Variants in SLC25A4 observed in about 807,000 individuals in gnomAD.
SLC25A4 encodes ADP/ATP translocase 1.
SLC25A4 carries 10 observed loss-of-function variants against 24.7 expected under a neutral mutation model. The ratio of observed to expected loss-of-function variants is 0.41; its 90% CI spans 0.25 to 0.69. The LOEUF is 0.69. SLC25A4 is among the 30% of genes least tolerant of loss of function. SLC25A4 has a pLI of 0.35. For synonymous variants in SLC25A4, 125 were observed against 153.3 expected (o/e 0.82, Z 1.36); for missense variants, 273 against 387.6 (o/e 0.70, Z 2.48).
intron 3 of SLC25A4, among the ~76,000 whole-genome samples, chr4:185,146,568 GAAT>G (rs1734446166): frequency 6.6e-6 from 1 of 152,160 alleles, no homozygotes; most frequent in Non-Finnish European, 1.5e-5. Flanking sequence ...GGCAGTCCAT[GAAT>G]TACTTGGTTA....
chr4:185,146,017 T>A, intron 3 of SLC25A4, 118 bp downstream of exon 3: 1 of 1,241,398 alleles, frequency 8.1e-7, no homozygotes, highest in Non-Finnish European at 1.1e-6. Context: ...TGATAAGGAC[T>A]TAGGGAAGAA....
intron 1 of SLC25A4, among the ~76,000 whole-genome samples, chr4:185,143,959 G>A (rs1734391910): frequency 1.3e-5 from 2 of 152,190 alleles, no homozygotes; most frequent in Non-Finnish European, 2.9e-5. Flanking sequence ...TAACCTCTGT[G>A]AGAGAGTTAT....
At position 185,145,713 on chromosome 4, in the gene SLC25A4, A is replaced by G. The variant is rs779456531; in HGVS notation, c.599-46A>G. ...CTCTCCCTCCACCTGCTTTCTGCTG[A>G]GAACAGGCACTTCATAGCCGTTCGG... On this transcript the variant is annotated intron_variant, in intron 2 of 3. Coordinates refer to ENST00000281456, the MANE Select transcript of SLC25A4 (RefSeq NM_001151.4). The surrounding 1 kb of genome is among the most constrained non-coding windows in gnomAD (Gnocchi z 5.5). 1.2e-6 allele frequency: 2 copies of G among 1,611,482 alleles called. No homozygotes were observed. Among genetic ancestry groups the G allele is most frequent in the Admixed American group, 1.7e-5 (1 of 59,974 alleles).
Position 185,146,878 on chromosome 4 carries a change from G to C in SLC25A4, c.804G>C (p.Lys268Asn), listed in dbSNP as rs748424743. The change falls in exon 4 of 4, where the codon AAG becomes AAC. Residue 268 changes from lysine to asparagine, a missense_variant. Physicochemically the swap from Lys to Asn is moderately conservative, Grantham distance 94. Transcript: ENST00000281456. ...WRKIAKDEGA[K>N]AFFKGAWSNV... ...AGATTGCAAAAGACGAAGGAGCCAA[G>C]GCCTTCTTCAAAGGTGCCTGGTCCA... The C allele has an allele frequency of 6.2e-7, 1 of 1,614,186 alleles. No homozygotes were observed. Among genetic ancestry groups the C allele is most frequent in the South Asian group, 1.1e-5 (1 of 91,084 alleles).
rs368649185 is a variant in SLC25A4 at position 185,145,811 on chromosome 4, C to T, written c.651C>T (p.Ala217=). 1.2e-6 allele frequency: 2 copies of T among 1,614,174 alleles called. No homozygotes were observed. Among genetic ancestry groups the T allele is most frequent in the South Asian group, 1.1e-5 (1 of 91,080 alleles). Residue 217 remains alanine (A), a synonymous_variant, in exon 3 of 4, where the codon GCC becomes GCT. Coordinates refer to ENST00000281456, the MANE Select transcript of SLC25A4 (RefSeq NM_001151.4). This position sits in a 1 kb window ranked among gnomAD's most constrained non-coding sequence, Gnocchi z 5.5. ...NVHIFVSWMI[A]QSVTAVAGLV... ...ACATTTTTGTGAGCTGGATGATTGC[C>T]CAGAGTGTGACGGCAGTCGCAGGGC...
In SLC25A4 at chr4:185,145,580, G is replaced by A; in HGVS notation, c.599-179G>A. On this transcript the variant is annotated intron_variant, in intron 2 of 3. Transcript: ENST00000281456. The surrounding 1 kb of genome is among the most constrained non-coding windows in gnomAD (Gnocchi z 5.5). ...GCTGAGCACTGCCCCTCCGGGGTCC[G>A]GAGAGGGCAGCAGCCACCTTTGCTG... The A allele has an allele frequency of 9.1e-6, 7 of 769,336 alleles. No homozygotes were observed. Among genetic ancestry groups the A allele is most frequent in the South Asian group, 1.8e-5 (1 of 55,068 alleles). The allele number at this position is 769,336 out of a possible 1,614,324, so 47.7% of individuals were successfully genotyped here.
intron 1 of SLC25A4, 67 bp from the exon 2 acceptor site, chr4:185,144,697 T>C: frequency 1.3e-6 from 2 of 1,536,856 alleles, no homozygotes; most frequent in Non-Finnish European, 1.8e-6. Context: ...AACCTTTTTT[T>C]TTCTCCTGTC....
Position 185,145,440 on chromosome 4 carries a change from A to C in SLC25A4, c.598+190A>C, listed in dbSNP as rs1734425328. 1.0e-5 allele frequency: 9 copies of C among 857,738 alleles called. No homozygotes were observed. The highest frequency in any genetic ancestry group is 1.6e-5 in the Non-Finnish European group (9 of 562,712). 53.1% of individuals were successfully genotyped at this position (857,738 alleles called of 1,614,324 possible). On this transcript the variant is annotated intron_variant, in intron 2 of 3. Coordinates refer to ENST00000281456, the MANE Select transcript of SLC25A4 (RefSeq NM_001151.4). This position sits in a 1 kb window ranked among gnomAD's most constrained non-coding sequence, Gnocchi z 5.5. ...CGTTCCTTGTGTCCTCTACTGAAAT[A>C]AACTCTGGCCTTTAGTTATTCAGAG...
At position 185,147,941 on chromosome 4, in the gene SLC25A4, C is replaced by T. The variant is rs373002113; in HGVS notation, c.*970C>T. ...GTTGCAGTGAGCTGAGATGGCATGC[C>T]ACCACATCCATCCTAAGCGACAGGG... On this transcript the variant is annotated 3_prime_UTR_variant, in exon 4 of 4. Transcript: ENST00000281456. The T allele has an allele frequency of 5.3e-5, 8 of 150,164 alleles. No homozygotes were observed. The highest frequency in any genetic ancestry group is 2.0e-4 in the African/African-American group (8 of 40,678). 9.3% of individuals were successfully genotyped at this position (150,164 alleles called of 1,614,324 possible).
In SLC25A4 at chr4:185,150,248, G is replaced by A. The variant is rs886059277; in HGVS notation, c.*3277G>A. 3.3e-5 allele frequency: 5 copies of A among 152,252 alleles called. No homozygotes were observed. Among genetic ancestry groups the A allele is most frequent in the African/African-American group, 4.8e-5 (2 of 41,458 alleles). The allele number at this position is 152,252 out of a possible 1,614,324, so 9.4% of individuals were successfully genotyped here. ...ATTTGGGAAAGGGTTTCATCAGTTC[G>A]GGTGAAATCTTGAACGTGCAAAGCA... On this transcript the variant is annotated 3_prime_UTR_variant, in exon 4 of 4. Transcript: ENST00000281456.
Position 185,144,975 on chromosome 4 carries a change from A to T in SLC25A4, c.323A>T (p.Gln108Leu). 4 of 1,613,264 alleles carry T rather than the reference A, an allele frequency of 2.5e-6. No individual in the cohort carries two copies. Among genetic ancestry groups the T allele is most frequent in the Non-Finnish European group, 3.4e-6 (4 of 1,179,704 alleles). The change falls in exon 2 of 4, where the codon CAG (glutamine) becomes CTG (leucine). Residue 108 changes from glutamine to leucine, a missense_variant. Gln to Leu is a moderately radical substitution (Grantham distance 113). Transcript: ENST00000281456. ...LFLGGVDRHK[Q>L]FWRYFAGNLA... ...TTAGGGGGTGTGGATCGGCATAAGCAGTTCTGGCGCTACTTTGCTGGTAAC... is the reference window on the plus strand; with the variant it reads ...TTAGGGGGTGTGGATCGGCATAAGCTGTTCTGGCGCTACTTTGCTGGTAAC...
Position 185,145,756 on chromosome 4 carries a change from C to T in SLC25A4, c.599-3C>T, listed in dbSNP as rs1176721413. ...CCGTTCGGCTTCTGGGCTCTGTCCACAGGGATGCTGCCTGACCCCAAGAAC... is the reference window on the plus strand; with the variant it reads ...CCGTTCGGCTTCTGGGCTCTGTCCATAGGGATGCTGCCTGACCCCAAGAAC... On this transcript the variant is annotated splice_region_variant and splice_polypyrimidine_tract_variant and intron_variant, in intron 2 of 3. Coordinates refer to ENST00000281456, the MANE Select transcript of SLC25A4 (RefSeq NM_001151.4). The surrounding 1 kb of genome is among the most constrained non-coding windows in gnomAD (Gnocchi z 5.5). 3 of 1,614,222 alleles carry T rather than the reference C, an allele frequency of 1.9e-6. No homozygotes were observed. In the South Asian group the frequency reaches 3.3e-5, roughly 18 times the overall value.
At position 185,147,070 on chromosome 4, in the gene SLC25A4, A is replaced by G; in HGVS notation, c.*99A>G. Reference sequence around the variant, plus strand: ...ATAGACTATTCCTAGGGGAAGTAAAAAGATCTGGGATAAAACCAGACTGAA... The same window carrying G: ...ATAGACTATTCCTAGGGGAAGTAAAGAGATCTGGGATAAAACCAGACTGAA... On this transcript the variant is annotated 3_prime_UTR_variant, in exon 4 of 4. Transcript: ENST00000281456. 1 of 1,144,012 alleles carries G rather than the reference A, an allele frequency of 8.7e-7. No individual in the cohort carries two copies. The highest frequency in any genetic ancestry group is 2.0e-5 in the Admixed American group (1 of 49,256). 70.9% of individuals were successfully genotyped at this position (1,144,012 alleles called of 1,614,324 possible).
At position 185,150,103 on chromosome 4, in the gene SLC25A4, C is replaced by G. The variant is rs1560844159; in HGVS notation, c.*3132C>G. ...AGAGAATCGAGCGCCGCAAGGCGAG[C>G]TTATCTTCCACACCTGGTACAGTGC... On this transcript the variant is annotated 3_prime_UTR_variant, in exon 4 of 4. Transcript: ENST00000281456. 6.6e-6 allele frequency: 1 copy of G among 152,286 alleles called. No individual in the cohort carries two copies. The highest frequency in any genetic ancestry group is 1.5e-5 in the Non-Finnish European group (1 of 68,052). The allele number at this position is 152,286 out of a possible 1,614,324, so 9.4% of individuals were successfully genotyped here.
rs1560843496 is a variant in SLC25A4, at chr4:185,148,650, G to A, written c.*1679G>A. 6.6e-6 allele frequency: 1 copy of A among 152,124 alleles called. No individual in the cohort carries two copies. Among genetic ancestry groups the A allele is most frequent in the Non-Finnish European group, 1.5e-5 (1 of 68,014 alleles). 9.4% of individuals were successfully genotyped at this position (152,124 alleles called of 1,614,324 possible). A position where few individuals can be genotyped will look rare whatever the true frequency, so the allele number is the denominator to read the frequency against. On this transcript the variant is annotated 3_prime_UTR_variant, in exon 4 of 4. Transcript: ENST00000281456. ...AACAATTTATCAAGACCTACAGGAAGTCAGTTTTGGATTTGCTCCTCCGAG... is the reference window on the plus strand; with the variant it reads ...AACAATTTATCAAGACCTACAGGAAATCAGTTTTGGATTTGCTCCTCCGAG...
chr4:185,145,386 A>T lies in SLC25A4; in HGVS notation c.598+136A>T, dbSNP rs1421579365. 1 of 1,329,704 alleles carries T rather than the reference A, an allele frequency of 7.5e-7. No homozygotes were observed. 82.4% of individuals were successfully genotyped at this position (1,329,704 alleles called of 1,614,324 possible). On this transcript the variant is annotated intron_variant, in intron 2 of 3. Coordinates refer to ENST00000281456, the MANE Select transcript of SLC25A4 (RefSeq NM_001151.4). The surrounding 1 kb of genome is among the most constrained non-coding windows in gnomAD (Gnocchi z 5.5). Reference sequence around the variant, plus strand: ...GGATAATTGAGGCTTCTGAATGAGGAGGTGATGTGCATAAGTTAATAGCTG... The same window carrying T: ...GGATAATTGAGGCTTCTGAATGAGGTGGTGATGTGCATAAGTTAATAGCTG...
chr4:185,143,483 G>A lies in SLC25A4; in HGVS notation c.111G>A (p.Gln37=). Residue 37 remains glutamine, a splice_region_variant and synonymous_variant, in exon 1 of 4, where the codon CAG becomes CAA. Transcript: ENST00000281456. ...TCGAGAGGGTCAAACTGCTGCTGCA[G>A]GTGAGGACCGCGCGGTGCAAGAGGC... ...APIERVKLLL[Q]VQHASKQISA... 6.9e-7 allele frequency: 1 copy of A among 1,441,352 alleles called. No homozygotes were observed. Among genetic ancestry groups the A allele is most frequent in the East Asian group, 3.1e-5 (1 of 32,360 alleles). The allele number at this position is 1,441,352 out of a possible 1,614,324, so 89.3% of individuals were successfully genotyped here.
intron 1 of SLC25A4, 68 bp downstream of exon 1, chr4:185,143,551 C>G: frequency 1.8e-6 from 1 of 566,174 alleles, no homozygotes; most frequent in Non-Finnish European, 2.3e-6. Context: ...CGATGCGGCG[C>G]GAGCTGCAGG....
rs1163976557 is a variant in SLC25A4, at chr4:185,143,314, C to A, written c.-59C>A. The A allele has an allele frequency of 4.8e-6, 5 of 1,040,758 alleles. No homozygotes were observed. The highest frequency in any genetic ancestry group is 4.2e-5 in the South Asian group (3 of 71,442). The allele number at this position is 1,040,758 out of a possible 1,614,324, so 64.5% of individuals were successfully genotyped here. ...CGGGGACTGCGCGGCGGTGCCAGGCCGGGCGTGGGCGAGAGCACGAACGGG... is the reference window on the plus strand; with the variant it reads ...CGGGGACTGCGCGGCGGTGCCAGGCAGGGCGTGGGCGAGAGCACGAACGGG... On this transcript the variant is annotated 5_prime_UTR_variant, in exon 1 of 4. Transcript: ENST00000281456.
Sources: allele counts gnomAD v4.1 joint callset (sites outside exome capture counted in the v4.1 genomes callset), GRCh38; gene constraint gnomAD v4.1.1; non-coding constraint Gnocchi (gnomAD v3.1); transcripts MANE v1.5; gene names NCBI Gene and HGNC (gene_info 2026-07-23, HGNC 2026-07-21).